Variants in PPP6R3 observed in about 807,000 individuals in gnomAD.
The protein encoded by PPP6R3 is protein phosphatase 6 regulatory subunit 3, also known as serine/threonine-protein phosphatase 6 regulatory subunit 3.
In PPP6R3, 38 loss-of-function variants were observed where a neutral mutation model predicts 110.7. The ratio of observed to expected loss-of-function variants is 0.34; its 90% CI spans 0.26 to 0.45. The LOEUF (loss-of-function observed/expected upper bound fraction) is 0.45. PPP6R3 is among the 20% of genes least tolerant of loss of function. The pLI is 1.00. For synonymous variants in PPP6R3, 369 were observed against 373.5 expected (o/e 0.99, Z 0.14); for missense variants, 870 against 1,062.4 (o/e 0.82, Z 2.52).
At chr11:68,472,571 G>A (rs895164274) in intron 1 of PPP6R3, among the ~76,000 whole-genome samples, 1 of 150,032 alleles carries the variant, frequency 6.7e-6, no homozygotes, top group African/African-American at 2.5e-5. Context: ...GGTATTGTCA[G>A]ACTTTAATAT....
At chr11:68,542,547 C>T (rs557491669) in intron 3 of PPP6R3, among the ~76,000 whole-genome samples, 27 of 151,972 alleles carry the variant, frequency 1.8e-4, no homozygotes, top group African/African-American at 6.5e-4. Flanking sequence ...GTGTGTGCCA[C>T]CACACCTGGC....
intron 1 of PPP6R3, among the ~76,000 whole-genome samples, chr11:68,480,470 T>A (rs1271951397): frequency 6.6e-6 from 1 of 152,248 alleles, no homozygotes; most frequent in Non-Finnish European, 1.5e-5. Context: ...GAACTTAGCA[T>A]CCAGTGAAAC....
Position 68,508,872 on chromosome 11 carries a change from A to G in PPP6R3, c.-157-10629A>G, listed in dbSNP as rs545861612. On this transcript the variant is annotated intron_variant, in intron 1 of 23. Transcript: ENST00000393800. ...AGGGTTAGGTTGTATGACTGTTGAG[A>G]AAAATGCAGTGTATTGAAGGAATGA... is the stretch of plus-strand genomic sequence containing the variant. 5.3e-5 allele frequency among the ~76,000 whole-genome samples: 8 copies of G among 152,228 alleles called. No individual in the cohort carries two copies. In the South Asian group the frequency reaches 1.7e-3, roughly 32 times the overall value.
At chr11:68,576,134 TC>T (rs1170386792) in intron 14 of PPP6R3, 91 bp downstream of exon 14, 2 of 909,772 alleles carry the variant, frequency 2.2e-6, no homozygotes, top group Admixed American at 4.9e-5. Context: ...TCCATTTACC[TC>T]AGTAACTGTG....
At chr11:68,522,348 C>G (rs1218362566) in intron 2 of PPP6R3, 1 of 152,190 alleles carries the variant, frequency 6.6e-6, no homozygotes, top group Non-Finnish European at 1.5e-5. Flanking sequence ...GCAGCTTGAC[C>G]TTCCTTATCA....
chr11:68,513,050 C>T (rs564372678), intron 1 of PPP6R3, among the ~76,000 whole-genome samples: 8 of 152,202 alleles, frequency 5.3e-5, no homozygotes, highest in Non-Finnish European at 8.8e-5. Flanking sequence ...TTGGACTCCA[C>T]GATATACACC....
chr11:68,510,741 C>G (rs2099104657), intron 1 of PPP6R3, among the ~76,000 whole-genome samples: 1 of 152,184 alleles, frequency 6.6e-6, no homozygotes, highest in Non-Finnish European at 1.5e-5. Context: ...AAGTATCCCA[C>G]TCTCTTTTTT....
At chr11:68,507,548 A>G (rs2099085327) in intron 1 of PPP6R3, among the ~76,000 whole-genome samples, 2 of 152,170 alleles carry the variant, frequency 1.3e-5, no homozygotes, top group Non-Finnish European at 2.9e-5. Flanking sequence ...ATTGAAGGTA[A>G]AAATGGTGAA....
intron 14 of PPP6R3, among the ~76,000 whole-genome samples, chr11:68,579,648 G>T (rs1385388371): frequency 6.6e-6 from 1 of 152,236 alleles, no homozygotes; most frequent in Non-Finnish European, 1.5e-5. Context: ...TAAGAGACAC[G>T]TGTGCACACA....
intron 2 of PPP6R3, among the ~76,000 whole-genome samples, chr11:68,529,350 C>T (rs567020215): frequency 6.6e-6 from 1 of 152,246 alleles, no homozygotes; most frequent in Non-Finnish European, 1.5e-5. Flanking sequence ...TCCCAAGTAG[C>T]TGGGATTACA....
At chr11:68,592,876 G>T (rs141562624) in intron 18 of PPP6R3, among the ~76,000 whole-genome samples, 12 of 152,310 alleles carry the variant, frequency 7.9e-5, no homozygotes, top group Admixed American at 7.2e-4. Flanking sequence ...TAATATGTAT[G>T]AGGACAGTAA....
At position 68,590,791 on chromosome 11, in the gene PPP6R3, A is replaced by G; in HGVS notation, c.1785+77A>G. The G allele has an allele frequency of 2.1e-6, 3 of 1,419,234 alleles. No individual in the cohort carries two copies. In the South Asian group the frequency reaches 4.8e-5, roughly 23 times the overall value. 87.9% of individuals were successfully genotyped at this position (1,419,234 alleles called of 1,614,324 possible). On this transcript the variant is annotated intron_variant, in intron 17 of 23. Transcript: ENST00000393800. ...GGGTGAGTCCCTGTGTGGATGCCAC[A>G]TGCTGGGACCCCTGTGCTCTAGAGC...
chr11:68,608,198 C>T (rs1336799525), intron 22 of PPP6R3, among the ~76,000 whole-genome samples: 1 of 152,046 alleles, frequency 6.6e-6, no homozygotes, highest in Non-Finnish European at 1.5e-5. Flanking sequence ...CAACAAGAGA[C>T]TGACATTATA....
At chr11:68,489,552 T>TGTGTGTGTGTG (rs1491233294) in intron 1 of PPP6R3, among the ~76,000 whole-genome samples, 5,234 of 144,988 alleles carry the variant, frequency 0.036, 129 homozygotes, top group Admixed American at 0.045. Flanking sequence ...TACTGTGTGT[T>TGTGTGTGTGTG]TGTGTGTGTG....
intron 2 of PPP6R3, among the ~76,000 whole-genome samples, chr11:68,525,588 C>A (rs955134557): frequency 2.0e-5 from 3 of 152,142 alleles, no homozygotes; most frequent in Non-Finnish European, 2.9e-5. Flanking sequence ...GGGTTATATA[C>A]AGTCTGATCA....
chr11:68,545,471 T>G (rs1015590438), intron 4 of PPP6R3, among the ~76,000 whole-genome samples: 18 of 152,370 alleles, frequency 1.2e-4, no homozygotes, highest in African/African-American at 4.3e-4. Flanking sequence ...TAATGGTGAT[T>G]CTGTTTTGAT....
intron 2 of PPP6R3, among the ~76,000 whole-genome samples, chr11:68,520,697 G>A (rs1003878039): frequency 7.2e-5 from 11 of 152,090 alleles, no homozygotes; most frequent in African/African-American, 2.7e-4. Flanking sequence ...ATATTCTTCC[G>A]GATGAATCCC....
rs569038522 is a variant in PPP6R3, at chr11:68,544,753, C to G, written c.228-85C>G. On this transcript the variant is annotated intron_variant, in intron 3 of 23. Coordinates refer to ENST00000393800, the MANE Select transcript of PPP6R3 (RefSeq NM_001164161.2). ...AACGATTTTATTTTTTTCACAAAAT[C>G]TTGGGAAGCCTTTCTGATTTGTGTT... is the stretch of plus-strand genomic sequence containing the variant. 4 of 927,164 alleles carry G rather than the reference C, an allele frequency of 4.3e-6. No individual in the cohort carries two copies. The East Asian group carries it at 1.1e-4, about 25-fold the overall frequency. 57.4% of individuals were successfully genotyped at this position (927,164 alleles called of 1,614,324 possible). A position where few individuals can be genotyped will look rare whatever the true frequency, so the allele number is the denominator to read the frequency against.
chr11:68,502,887 A>G (rs1322262074), intron 1 of PPP6R3, among the ~76,000 whole-genome samples: 1 of 152,224 alleles, frequency 6.6e-6, no homozygotes, highest in East Asian at 1.9e-4. Context: ...TTGAAATGCC[A>G]TGATGGTTGT....
Sources: gnomAD v4.1 joint callset for allele counts (sites outside exome capture counted in the v4.1 genomes callset) on GRCh38, gnomAD v4.1.1 for gene constraint, MANE v1.5 for transcripts, NCBI Gene and HGNC (gene_info 2026-07-23, HGNC 2026-07-21) for gene names.